MCPH1: variants seen among roughly 807,000 people sequenced by gnomAD.
The protein encoded by MCPH1 is microcephalin.
MCPH1 carries 104 observed loss-of-function variants against 84.5 expected under a neutral mutation model. The observed-to-expected ratio is 1.23, with a 90% CI of 1.05 to 1.45. The LOEUF (loss-of-function observed/expected upper bound fraction) is 1.45. Ranked by LOEUF, MCPH1 falls within the 40% of genes most tolerant of loss-of-function variation. The probability of loss-of-function intolerance (pLI) is 0.00; values close to 1 mark genes in which losing one functional copy is unlikely to be tolerated. For missense variants in MCPH1, 1,498 were observed against 1,005.7 expected (o/e 1.49, Z -6.62); for synonymous variants, 514 against 366.8 (o/e 1.40, Z -4.58).
intron 3 of MCPH1, among the ~76,000 whole-genome samples, chr8:6,430,192 T>A (rs1221146877): frequency 6.6e-6 from 1 of 152,230 alleles, no homozygotes; most frequent in Non-Finnish European, 1.5e-5. Flanking sequence ...TCTGCCTGGT[T>A]GTACTTCTCT....
Position 6,621,667 on chromosome 8 carries a change from T to G in MCPH1, c.2428T>G (p.Tyr810Asp). The G allele has an allele frequency of 1.2e-6, 2 of 1,614,184 alleles. No homozygotes were observed. The highest frequency in any genetic ancestry group is 1.7e-6 in the Non-Finnish European group (2 of 1,180,044). ...YSGKKKATVK[Y>D]LSEKWVLDSI... The stretch of plus-strand genomic sequence containing the variant: ...CGGAAAGAAGAAAGCCACAGTCAAG[T>G]ATCTGTCTGAGAAATGGGTCTTAGG... Residue 810 changes from tyrosine (Y) to aspartate (D), a missense_variant, in exon 13 of 14, where the codon TAT becomes GAT. Transcript: ENST00000344683.
At position 6,589,681 on chromosome 8, in the gene MCPH1, G is replaced by A. The variant is rs566867495; in HGVS notation, c.2215-31773G>A. ...CTGAGATGAGAACTATAAATAGCTG[G>A]TCAGCCAAAAGTTTTCTGCTTTTTC... On this transcript the variant is annotated intron_variant, in intron 12 of 13. Transcript: ENST00000344683. 2.6e-5 allele frequency among the ~76,000 whole-genome samples: 4 copies of A among 152,286 alleles called. No individual in the cohort carries two copies. In the South Asian group the frequency reaches 8.3e-4, roughly 32 times the overall value.
chr8:6,452,770 C>T (rs1805231068), intron 8 of MCPH1, among the ~76,000 whole-genome samples: 1 of 152,214 alleles, frequency 6.6e-6, no homozygotes, highest in Non-Finnish European at 1.5e-5. Context: ...CACCGGAACC[C>T]GACCATGGGG....
intron 12 of MCPH1, among the ~76,000 whole-genome samples, chr8:6,571,240 T>A (rs1049118418): frequency 4.0e-5 from 6 of 151,846 alleles, no homozygotes; most frequent in Admixed American, 2.6e-4. Context: ...TGTGTCCTGT[T>A]TTCTCCCTGT....
chr8:6,545,842 G>C (rs929569017), intron 12 of MCPH1, among the ~76,000 whole-genome samples: 4 of 152,240 alleles, frequency 2.6e-5, no homozygotes, highest in African/African-American at 9.6e-5. Flanking sequence ...TCTGAGAAAA[G>C]TGAAATCGAT....
chr8:6,542,966 G>A (rs1438893012), intron 12 of MCPH1, among the ~76,000 whole-genome samples: 4 of 152,194 alleles, frequency 2.6e-5, no homozygotes, highest in African/African-American at 9.7e-5. Context: ...AAGGCCGGCA[G>A]GAAGCGTGTG....
At chr8:6,423,895 A>G (rs2129553031) in intron 3 of MCPH1, among the ~76,000 whole-genome samples, 1 of 152,358 alleles carries the variant, frequency 6.6e-6, no homozygotes, top group East Asian at 1.9e-4. Context: ...AAGAAAAATA[A>G]TAGTTTTTAT....
At chr8:6,623,023 T>TG (rs1444971639) in intron 13 of MCPH1, among the ~76,000 whole-genome samples, 1 of 147,026 alleles carries the variant, frequency 6.8e-6, no homozygotes, top group Non-Finnish European at 1.5e-5. Context: ...CTTTTTTTTT[T>TG]TTTTTTTTTT....
At chr8:6,439,472 C>G (rs2129554989) in intron 6 of MCPH1, among the ~76,000 whole-genome samples, 1 of 151,088 alleles carries the variant, frequency 6.6e-6, no homozygotes, top group East Asian at 1.9e-4. Flanking sequence ...CTCACTGCAA[C>G]CTCCCTAGTT....
intron 5 of MCPH1, among the ~76,000 whole-genome samples, chr8:6,436,976 A>T (rs894555629): frequency 6.6e-6 from 1 of 152,104 alleles, no homozygotes; most frequent in Non-Finnish European, 1.5e-5. Context: ...ACTCAAAAAA[A>T]AAAGAATATT....
At chr8:6,562,595 C>A in intron 12 of MCPH1, 2 of 356,100 alleles carry the variant, frequency 5.6e-6, no homozygotes, top group Non-Finnish European at 8.2e-6. Flanking sequence ...TGAGCTGCTG[C>A]CAAGCTGATC....
intron 13 of MCPH1, among the ~76,000 whole-genome samples, chr8:6,637,681 C>T (rs1280291449): frequency 3.9e-5 from 6 of 152,132 alleles, no homozygotes; most frequent in African/African-American, 1.2e-4. Flanking sequence ...TTAATGGATA[C>T]AGAGTCTCCC....
At chr8:6,480,557 A>G (rs1809078829) in intron 10 of MCPH1, among the ~76,000 whole-genome samples, 157 bp from the exon 11 acceptor site, 1 of 152,204 alleles carries the variant, frequency 6.6e-6, no homozygotes, top group Admixed American at 6.5e-5. Context: ...GTTTCAAAGC[A>G]TTGATTATAA....
intron 12 of MCPH1, among the ~76,000 whole-genome samples, chr8:6,559,545 TC>T (rs1563127059): frequency 1.4e-5 from 2 of 142,468 alleles, no homozygotes; most frequent in Non-Finnish European, 3.1e-5. Flanking sequence ...AATGTTTGCC[TC>T]CGTAGTAGGC....
chr8:6,581,801 A>T (rs1032099318), intron 12 of MCPH1, among the ~76,000 whole-genome samples: 1 of 152,208 alleles, frequency 6.6e-6, no homozygotes, highest in African/African-American at 2.4e-5. Flanking sequence ...CTGGAGGCTG[A>T]GAAGTCCAAT....
chr8:6,632,211 G>A (rs1797213729), intron 13 of MCPH1, among the ~76,000 whole-genome samples: 1 of 152,190 alleles, frequency 6.6e-6, no homozygotes, highest in East Asian at 1.9e-4. Flanking sequence ...ATTGTTTAAT[G>A]GCTACAGAGA....
intron 9 of MCPH1, among the ~76,000 whole-genome samples, chr8:6,463,200 T>C (rs955982546): frequency 2.0e-5 from 3 of 152,264 alleles, no homozygotes; most frequent in East Asian, 1.9e-4. Context: ...TAGCATGAAA[T>C]TGTGCTCTGT....
chr8:6,571,815 T>C (rs1586673118), intron 12 of MCPH1, among the ~76,000 whole-genome samples: 2 of 152,152 alleles, frequency 1.3e-5, no homozygotes, highest in Non-Finnish European at 2.9e-5. Flanking sequence ...GAGTTACAAG[T>C]ACAAAAAGTA....
intron 12 of MCPH1, among the ~76,000 whole-genome samples, chr8:6,564,410 A>G (rs1193317363): frequency 6.6e-6 from 1 of 152,184 alleles, no homozygotes; most frequent in Non-Finnish European, 1.5e-5. Context: ...TAATGTCCTC[A>G]TCTGTGCAAT....
Sources: gnomAD v4.1 joint callset for allele counts (sites outside exome capture counted in the v4.1 genomes callset) on GRCh38, gnomAD v4.1.1 for gene constraint, MANE v1.5 for transcripts, NCBI Gene and HGNC (gene_info 2026-07-23, HGNC 2026-07-21) for gene names.